PCDH15: variants seen among roughly 807,000 people sequenced by gnomAD.
PCDH15 encodes the protein protocadherin-15.
Under a neutral mutation model 178.5 loss-of-function variants are expected in PCDH15, and 129 were observed. The observed-to-expected ratio is 0.72, with a 90% confidence interval of 0.63 to 0.84. The LOEUF is 0.84. Among genes scored for constraint, PCDH15 ranks in the 40% least tolerant of loss-of-function variants. The pLI is 0.00. For synonymous variants in PCDH15, 800 were observed against 732.0 expected, an observed-to-expected ratio of 1.09 and a Z score of -1.50; for missense variants, 2,230 against 2,099.9, an observed-to-expected ratio of 1.06 and a Z score of -1.21.
At chr10:54,055,857 C>T (rs1045698763) in intron 18 of PCDH15, among the ~76,000 whole-genome samples, 1 of 152,198 alleles carries the variant, frequency 6.6e-6, no homozygotes, top group Non-Finnish European at 1.5e-5. Context: ...TTTATCTTCT[C>T]ACTTTCTAAC....
chr10:53,887,063 A>G (rs1170604714), intron 26 of PCDH15, among the ~76,000 whole-genome samples: 1 of 152,160 alleles, frequency 6.6e-6, no homozygotes, highest in Non-Finnish European at 1.5e-5. Context: ...ATACTAGCTC[A>G]TGATCCTGGA....
At chr10:55,237,919 T>C (rs1003599137) in intron 1 of PCDH15, among the ~76,000 whole-genome samples, 2 of 152,066 alleles carry the variant, frequency 1.3e-5, no homozygotes, top group East Asian at 1.9e-4. Flanking sequence ...ATCTTTTTTC[T>C]TGATGAAAAT....
intron 1 of PCDH15, among the ~76,000 whole-genome samples, chr10:54,743,553 T>C (rs1945074075): frequency 1.3e-5 from 2 of 152,032 alleles, no homozygotes; most frequent in Admixed American, 6.6e-5. Context: ...CTTAATACTT[T>C]ATTAAGCTTA....
intron 2 of PCDH15, among the ~76,000 whole-genome samples, chr10:55,502,706 G>A (rs1229932064): frequency 4.6e-5 from 7 of 151,568 alleles, no homozygotes; most frequent in Non-Finnish European, 5.9e-5. Context: ...TGTTAGATTG[G>A]TCAAACTATC....
chr10:55,369,401 A>T (rs959785129), intron 2 of PCDH15, among the ~76,000 whole-genome samples: 2 of 152,002 alleles, frequency 1.3e-5, no homozygotes, highest in East Asian at 3.9e-4. Flanking sequence ...TATATTGAGT[A>T]CCTACAGTTG....
chr10:55,089,976 T>C (rs1161807988), intron 2 of PCDH15, among the ~76,000 whole-genome samples: 1 of 152,114 alleles, frequency 6.6e-6, no homozygotes, highest in African/African-American at 2.4e-5. Flanking sequence ...ATAAAACCTA[T>C]ATTTAATAAT....
chr10:55,595,126 A>G (rs1445807427), intron 2 of PCDH15, among the ~76,000 whole-genome samples: 2 of 152,196 alleles, frequency 1.3e-5, no homozygotes, highest in East Asian at 3.9e-4. Context: ...TAAGTTTCAG[A>G]TTCTTTGAAA....
At chr10:54,187,490 G>A in intron 11 of PCDH15, among the ~76,000 whole-genome samples, 1 of 151,808 alleles carries the variant, frequency 6.6e-6, no homozygotes, top group Non-Finnish European at 1.5e-5. Context: ...TTTGTCAAAT[G>A]CTTTTCGTTT....
At chr10:55,080,818 A>T (rs576599792) in intron 2 of PCDH15, among the ~76,000 whole-genome samples, 1 of 152,200 alleles carries the variant, frequency 6.6e-6, no homozygotes, top group African/African-American at 2.4e-5. Flanking sequence ...GAGCCAGAGT[A>T]CAAATGCTGC....
intron 15 of PCDH15, among the ~76,000 whole-genome samples, chr10:54,106,667 G>A (rs57294560): frequency 0.12 from 18,382 of 152,168 alleles, 1,749 homozygotes; most frequent in African/African-American, 0.27. Context: ...AATTAGGTTC[G>A]TACAATATGA....
At chr10:55,488,242 T>G (rs1840340537) in intron 2 of PCDH15, among the ~76,000 whole-genome samples, 1 of 151,652 alleles carries the variant, frequency 6.6e-6, no homozygotes, top group Admixed American at 6.6e-5. Flanking sequence ...ATCAAAACAT[T>G]TTAATTATTT....
chr10:54,162,895 C>A (rs947772798), intron 13 of PCDH15, among the ~76,000 whole-genome samples: 1 of 152,080 alleles, frequency 6.6e-6, no homozygotes, highest in Non-Finnish European at 1.5e-5. Flanking sequence ...TTAAGGCATT[C>A]TTCGGTGGTT....
intron 2 of PCDH15, among the ~76,000 whole-genome samples, chr10:55,613,887 A>C (rs1589187317): frequency 6.6e-6 from 1 of 152,090 alleles, no homozygotes; most frequent in African/African-American, 2.4e-5. Context: ...GGCGGGTGGA[A>C]CACAAGGTCA....
intron 2 of PCDH15, among the ~76,000 whole-genome samples, chr10:55,591,585 T>C (rs556877977): frequency 1.3e-5 from 2 of 152,192 alleles, no homozygotes; most frequent in East Asian, 3.9e-4. Flanking sequence ...AAATTCAAGA[T>C]TTAAAGGAAT....
At chr10:54,740,047 T>TA (rs1161453546) in intron 1 of PCDH15, among the ~76,000 whole-genome samples, 2 of 151,932 alleles carry the variant, frequency 1.3e-5, no homozygotes, top group African/African-American at 4.8e-5. Context: ...TACACTGAGC[T>TA]AAAAATACTT....
At chr10:55,151,898 G>C (rs561984701) in intron 2 of PCDH15, among the ~76,000 whole-genome samples, 2 of 150,998 alleles carry the variant, frequency 1.3e-5, no homozygotes, top group African/African-American at 4.9e-5. Context: ...GATAAAGACA[G>C]GATATAGAAA....
At chr10:54,824,061 C>T (rs772293111) in intron 3 of PCDH15, among the ~76,000 whole-genome samples, 1 of 152,110 alleles carries the variant, frequency 6.6e-6, no homozygotes, top group Non-Finnish European at 1.5e-5. Context: ...TCCAAAGTTT[C>T]TAAGGCAAAC....
intron 27 of PCDH15, among the ~76,000 whole-genome samples, chr10:53,858,641 A>G (rs1461233293): frequency 6.6e-6 from 1 of 152,156 alleles, no homozygotes; most frequent in Non-Finnish European, 1.5e-5. Context: ...TTAAGACAGG[A>G]GTAGGTCTGA....
intron 2 of PCDH15, among the ~76,000 whole-genome samples, chr10:55,095,745 A>C (rs897947515): frequency 6.6e-6 from 1 of 152,136 alleles, no homozygotes; most frequent in African/African-American, 2.4e-5. Context: ...TTTAACAGTG[A>C]TAACAGGTAA....
Sources: allele counts gnomAD v4.1 joint callset (sites outside exome capture counted in the v4.1 genomes callset), GRCh38; gene constraint gnomAD v4.1.1; transcripts MANE v1.5; gene names NCBI Gene and HGNC (gene_info 2026-07-23, HGNC 2026-07-21).